The following PLCD1 variants were observed in gnomAD, a reference collection of about 807,000 sequenced individuals.
PLCD1 encodes 1-phosphatidylinositol 4,5-bisphosphate phosphodiesterase delta-1.
PLCD1 carries 71 observed loss-of-function variants against 87.4 expected under a neutral mutation model. The ratio of observed to expected loss-of-function variants is 0.81; its 90% CI spans 0.67 to 0.99. The LOEUF (loss-of-function observed/expected upper bound fraction) is 0.99, where lower values mean the gene tolerates loss of function less well. Ranked by LOEUF, PLCD1 falls within the 50% of genes least tolerant of loss-of-function variation. The pLI is 0.00. For synonymous variants in PLCD1, 348 were observed against 399.2 expected, an observed-to-expected ratio of 0.87 and a Z score of 1.53; for missense variants, 867 against 1,001.5, an observed-to-expected ratio of 0.87 and a Z score of 1.81.
chr3:38,019,982 T>G (rs73060859), intron 2 of PLCD1, among the ~76,000 whole-genome samples: 2,223 of 152,252 alleles, frequency 0.015, 26 homozygotes, highest in Middle Eastern at 0.031. Flanking sequence ...AATTTCCCGA[T>G]GGCAATTTAA....
At chr3:38,022,252 G>T (rs1443064504) in intron 1 of PLCD1, among the ~76,000 whole-genome samples, 2 of 152,258 alleles carry the variant, frequency 1.3e-5, no homozygotes, top group Non-Finnish European at 2.9e-5. Context: ...CAGTGGAAAA[G>T]AAGGGGGCTC....
In PLCD1 at chr3:38,017,406, G is replaced by A. The variant is rs1283696794; in HGVS notation, c.200-687C>T. 6.6e-6 allele frequency among the ~76,000 whole-genome samples: 1 copy of A among 152,152 alleles called. No homozygotes were observed. The highest frequency in any genetic ancestry group is 1.5e-5 in the Non-Finnish European group (1 of 68,004). ...AGGGAGCCCCTTGGCAGGGGGTACA[G>A]GAAGACTCTGCCTTCCCCAGTCCCA... On this transcript the variant is annotated intron_variant, in intron 2 of 14. Transcript: ENST00000334661. This position sits in a 1 kb window ranked among gnomAD's most constrained non-coding sequence, Gnocchi z 4.7.
intron 3 of PLCD1, among the ~76,000 whole-genome samples, chr3:38,011,971 C>T (rs1575349291): frequency 6.6e-6 from 1 of 152,000 alleles, no homozygotes; most frequent in South Asian, 2.1e-4. Context: ...CTCCCGTAGT[C>T]TATCACCTAG....
chr3:38,016,841 A>T lies in PLCD1; in HGVS notation c.200-122T>A, dbSNP rs1700164213. 3 of 754,480 alleles carry T rather than the reference A, an allele frequency of 4.0e-6. No individual in the cohort carries two copies. The Admixed American group carries it at 6.0e-5, about 15-fold the overall frequency. 46.7% of individuals were successfully genotyped at this position (754,480 alleles called of 1,614,324 possible). A position where few individuals can be genotyped will look rare whatever the true frequency, so the allele number is the denominator to read the frequency against. ...CTTGGAGACACAGAGCCAGGGCCGGAGCTCAGGCCTTGAGTCCAGAAGGAA... is the reference window on the plus strand; with the variant it reads ...CTTGGAGACACAGAGCCAGGGCCGGTGCTCAGGCCTTGAGTCCAGAAGGAA... On this transcript the variant is annotated intron_variant, in intron 2 of 14. Coordinates refer to ENST00000334661, the MANE Select transcript of PLCD1 (RefSeq NM_006225.4).
Position 38,008,319 on chromosome 3 carries a change from T to G in PLCD1, c.1951A>C (p.Ile651Leu). 6.2e-7 allele frequency: 1 copy of G among 1,614,252 alleles called. No individual in the cohort carries two copies. Among genetic ancestry groups the G allele is most frequent in the Non-Finnish European group, 8.5e-7 (1 of 1,180,050 alleles). The change falls in exon 13 of 15, where the codon ATT becomes CTT. Residue 651 changes from isoleucine (I) to leucine (L), a missense_variant. Ile to Leu is a conservative substitution (Grantham distance 5). Transcript: ENST00000334661. Reference sequence around the variant, plus strand: ...TCCACTGTCACTTTGGGGTCCACAATTGAATTCTTATTCTTGTTGACTTTT... The same window carrying G: ...TCCACTGTCACTTTGGGGTCCACAAGTGAATTCTTATTCTTGTTGACTTTT... ...LPKVNKNKNS[I>L]VDPKVTVEIH... is the part of the protein sequence containing the mutation.
chr3:38,012,456 C>A (rs1176526779), intron 3 of PLCD1, among the ~76,000 whole-genome samples: 5 of 151,632 alleles, frequency 3.3e-5, no homozygotes, highest in East Asian at 3.9e-4. Context: ...CATAATTATT[C>A]TTTTCCACAT....
At chr3:38,029,011 T>G (rs961144151) in intron 1 of PLCD1, among the ~76,000 whole-genome samples, 1 of 152,206 alleles carries the variant, frequency 6.6e-6, no homozygotes, top group African/African-American at 2.4e-5. Context: ...CGGTTAACCT[T>G]GCACACCTCC....
rs1700050145 is a variant in PLCD1 at position 38,010,260 on chromosome 3, G to A, written c.1008C>T (p.Gly336=). 1 of 1,614,250 alleles carries A rather than the reference G, an allele frequency of 6.2e-7. No individual in the cohort carries two copies. The highest frequency in any genetic ancestry group is 1.7e-5 in the Admixed American group (1 of 60,034). The change falls in exon 7 of 15, where the codon GGC becomes GGT. Residue 336 remains glycine (G), a synonymous_variant. Coordinates refer to ENST00000334661, the MANE Select transcript of PLCD1 (RefSeq NM_006225.4). ...TEAYIRALCK[G]CRCLELDCWD... ...AGCAGTCAAGCTCCAGGCATCGGCA[G>A]CCTTTGCACAGTGCCCTGCGGGGAG... is the stretch of plus-strand genomic sequence containing the variant.
rs143581950 is a variant in PLCD1, at chr3:38,019,960, A to T, written c.199+228T>A. Among the ~76,000 whole-genome samples, 5 of 152,242 alleles carry T rather than the reference A, an allele frequency of 3.3e-5. No individual in the cohort carries two copies. The East Asian group carries it at 9.7e-4, about 29-fold the overall frequency. ...GTTCCATGACTGCCCTCTCCAGTCCAGACTAGGCTTCAATTTCCCGATGGC... is the reference window on the plus strand; with the variant it reads ...GTTCCATGACTGCCCTCTCCAGTCCTGACTAGGCTTCAATTTCCCGATGGC... On this transcript the variant is annotated intron_variant, in intron 2 of 14. Transcript: ENST00000334661.
chr3:38,024,546 T>C (rs778445373), intron 1 of PLCD1: 74 of 1,511,234 alleles, frequency 4.9e-5, no homozygotes, highest in Non-Finnish European at 6.6e-5. Flanking sequence ...ACTGTCGCCC[T>C]TGGAGGGGAG....
Position 38,025,175 on chromosome 3 carries a change from C to T in PLCD1, c.34+4331G>A, listed in dbSNP as rs1397101686. 6.6e-6 allele frequency among the ~76,000 whole-genome samples: 1 copy of T among 152,118 alleles called. No individual in the cohort carries two copies. Among genetic ancestry groups the T allele is most frequent in the Non-Finnish European group, 1.5e-5 (1 of 68,024 alleles). ...AGGAGGCGAGCCTGGGAGGATCCCG[C>T]ACTGGAAGGGCGGTGTCCAGGCAGG... On this transcript the variant is annotated intron_variant, in intron 1 of 14. Coordinates refer to ENST00000334661, the MANE Select transcript of PLCD1 (RefSeq NM_006225.4). This position sits in a 1 kb window ranked among gnomAD's most constrained non-coding sequence, Gnocchi z 4.0.
intron 3 of PLCD1, chr3:38,014,594 C>T (rs776840001): frequency 6.5e-6 from 1 of 153,706 alleles, no homozygotes; most frequent in Non-Finnish European, 1.5e-5. Flanking sequence ...GGGGTGTTTA[C>T]AACTAATTGA....
chr3:38,012,160 C>T (rs1892817), intron 3 of PLCD1, among the ~76,000 whole-genome samples: 2 of 150,686 alleles, frequency 1.3e-5, no homozygotes, highest in Non-Finnish European at 3.0e-5. Flanking sequence ...TGCACCGCAC[C>T]ACCACGCCTG....
chr3:38,015,531 A>G (rs1374322409), intron 3 of PLCD1, among the ~76,000 whole-genome samples: 1 of 152,216 alleles, frequency 6.6e-6, no homozygotes, highest in African/African-American at 2.4e-5. Context: ...AATTCTGTGA[A>G]TATACTAAAA....
In PLCD1 at chr3:38,010,117, A is replaced by G. The variant is rs1700046438; in HGVS notation, c.1137+14T>C. The G allele has an allele frequency of 6.2e-7, 1 of 1,614,122 alleles. No homozygotes were observed. Among genetic ancestry groups the G allele is most frequent in the African/African-American group, 1.3e-5 (1 of 74,954 alleles). On this transcript the variant is annotated intron_variant, in intron 7 of 14. Transcript: ENST00000334661. ...CCTAGCATCCCACTCCTCACCTGCC[A>G]GGGGCACTCCCACCTTGAAGGCATA...
At chr3:38,029,411 C>T (rs1456817854) in intron 1 of PLCD1, 95 bp downstream of exon 1, 6 of 1,148,836 alleles carry the variant, frequency 5.2e-6, no homozygotes, top group Non-Finnish European at 6.3e-6. Flanking sequence ...GTGGAGGCGG[C>T]CGAAGGAGCT....
chr3:38,020,135 C>G, intron 2 of PLCD1, 53 bp downstream of exon 2: 1 of 1,506,790 alleles, frequency 6.6e-7, no homozygotes. Flanking sequence ...ATTTACCCAG[C>G]CCTGAGCAGA....
rs978403575 is a variant in PLCD1, at chr3:38,014,947, A to T, written c.428+1544T>A. Among the ~76,000 whole-genome samples the T allele has an allele frequency of 5.4e-4, 83 of 152,338 alleles. 1 individual carries two copies. Among genetic ancestry groups the T allele is most frequent in the African/African-American group, 1.9e-3 (78 of 41,584 alleles). On this transcript the variant is annotated intron_variant, in intron 3 of 14. Coordinates refer to ENST00000334661, the MANE Select transcript of PLCD1 (RefSeq NM_006225.4). ...ACTTCATACCCACAGGGTGTCTATA[A>T]TCAAGACAAATGTAGTGTCAAGGAC...
intron 1 of PLCD1, among the ~76,000 whole-genome samples, chr3:38,026,172 T>C (rs1700306405): frequency 6.6e-6 from 1 of 152,178 alleles, no homozygotes; most frequent in African/African-American, 2.4e-5. Flanking sequence ...GAATAACATC[T>C]CAAAATAATT....
Sources: gnomAD v4.1 joint callset for allele counts (sites outside exome capture counted in the v4.1 genomes callset) on GRCh38, gnomAD v4.1.1 for gene constraint, Gnocchi (gnomAD v3.1) non-coding constraint, MANE v1.5 for transcripts, NCBI Gene and HGNC (gene_info 2026-07-23, HGNC 2026-07-21) for gene names.